SNX3: variants seen among roughly 807,000 people sequenced by gnomAD.
SNX3 encodes sorting nexin 3.
Under a neutral mutation model 17.7 loss-of-function variants are expected in SNX3, and 5 were observed. That is an observed-to-expected ratio of 0.28 (90% CI 0.15 to 0.59). The LOEUF (loss-of-function observed/expected upper bound fraction) is 0.59, where lower values mean the gene tolerates loss of function less well. Among genes scored for constraint, SNX3 ranks in the 20% least tolerant of loss-of-function variants. The pLI, the probability that SNX3 is intolerant of heterozygous loss-of-function variation, is 0.88. For synonymous variants in SNX3, 91 were observed against 76.5 expected (o/e 1.19, Z -0.99); for missense variants, 132 against 206.8 (o/e 0.64, Z 2.22).
chr6:108,242,519 G>C (rs549214631), intron 1 of SNX3, among the ~76,000 whole-genome samples: 1 of 152,042 alleles, frequency 6.6e-6, no homozygotes, highest in African/African-American at 2.4e-5. Context: ...TATTCAGAGC[G>C]CTCAAAGAAA....
intron 1 of SNX3, among the ~76,000 whole-genome samples, chr6:108,227,361 C>T (rs548951853): frequency 9.9e-5 from 15 of 152,170 alleles, no homozygotes; most frequent in African/African-American, 3.1e-4. Context: ...CTTCTGGGTA[C>T]GGAAGTCTAT....
At chr6:108,230,922 G>T (rs554110241) in intron 1 of SNX3, among the ~76,000 whole-genome samples, 1 of 152,238 alleles carries the variant, frequency 6.6e-6, no homozygotes, top group Admixed American at 6.5e-5. Context: ...TTTGCCAAAT[G>T]CTAGTTAATT....
intron 2 of SNX3, among the ~76,000 whole-genome samples, chr6:108,218,144 ATC>A (rs1274184145): frequency 6.6e-6 from 1 of 152,248 alleles, no homozygotes; most frequent in African/African-American, 2.4e-5. Flanking sequence ...CAAATTATGT[ATC>A]TGATAGGGAA....
Position 108,260,670 on chromosome 6 carries a change from G to A in SNX3, c.162+90C>T, listed in dbSNP as rs1311848212. 8.1e-6 allele frequency: 12 copies of A among 1,477,720 alleles called. No homozygotes were observed. The East Asian group carries it at 1.7e-4, about 21-fold the overall frequency. 91.5% of individuals were successfully genotyped at this position (1,477,720 alleles called of 1,614,324 possible). A position where few individuals can be genotyped will look rare whatever the true frequency, so the allele number is the denominator to read the frequency against. On this transcript the variant is annotated intron_variant, in intron 1 of 3. Coordinates refer to ENST00000230085, the MANE Select transcript of SNX3 (RefSeq NM_003795.6). ...GGGGGCTCCCGGCCTGGGAGGCTGT[G>A]GCTGCCCGCGGGGGTCCACTCCCGG...
At chr6:108,256,645 A>C (rs552075797) in intron 1 of SNX3, among the ~76,000 whole-genome samples, 4 of 152,354 alleles carry the variant, frequency 2.6e-5, no homozygotes, top group African/African-American at 9.6e-5. Context: ...TCAGAGCTCA[A>C]GAAAGATTCT....
At chr6:108,212,813 G>T (rs1319128274) in intron 3 of SNX3, among the ~76,000 whole-genome samples, 1 of 151,672 alleles carries the variant, frequency 6.6e-6, no homozygotes, top group East Asian at 1.9e-4. Flanking sequence ...CATCATAGCT[G>T]GTGTATTCAT....
intron 1 of SNX3, among the ~76,000 whole-genome samples, chr6:108,234,445 G>A (rs964271083): frequency 3.9e-5 from 6 of 151,950 alleles, no homozygotes; most frequent in African/African-American, 1.5e-4. Context: ...CCAGCTACTC[G>A]GAGGCTGAGG....
In SNX3 at chr6:108,223,146, T is replaced by G. The variant is rs575801758; in HGVS notation, c.163-101A>C. On this transcript the variant is annotated intron_variant, in intron 1 of 3. Coordinates refer to ENST00000230085, the MANE Select transcript of SNX3 (RefSeq NM_003795.6). ...AAACAAAAGAAATCATGACTTTCTT[T>G]TTCTTTTTTTGAGACAGAATCTCCC... 3.2e-5 allele frequency: 21 copies of G among 660,010 alleles called. No individual in the cohort carries two copies. The East Asian group carries it at 5.5e-4, about 17-fold the overall frequency. The allele number at this position is 660,010 out of a possible 1,614,324, so 40.9% of individuals were successfully genotyped here. A position where few individuals can be genotyped will look rare whatever the true frequency, so the allele number is the denominator to read the frequency against.
chr6:108,250,343 C>G (rs1775813989), intron 1 of SNX3, among the ~76,000 whole-genome samples: 1 of 152,178 alleles, frequency 6.6e-6, no homozygotes, highest in Non-Finnish European at 1.5e-5. Context: ...GTTTCAACTA[C>G]TCAGTTCTGC....
chr6:108,251,163 C>G (rs1043213749), intron 1 of SNX3, among the ~76,000 whole-genome samples: 1 of 152,104 alleles, frequency 6.6e-6, no homozygotes, highest in Non-Finnish European at 1.5e-5. Context: ...TTCATGCTTG[C>G]CTTTTTTCTC....
chr6:108,222,116 T>C, intron 2 of SNX3: 14 of 994,222 alleles, frequency 1.4e-5, no homozygotes, highest in Non-Finnish European at 1.9e-5. Flanking sequence ...ATGCAGCCAC[T>C]TTTATCTTAG....
rs77716732 is a variant in SNX3, at chr6:108,230,228, T to C, written c.163-7183A>G. On this transcript the variant is annotated intron_variant, in intron 1 of 3. Transcript: ENST00000230085. The stretch of plus-strand genomic sequence containing the variant: ...TAAGATGACTAAAACTTTTGAAATT[T>C]AAACAGCAAGATTTAGTATTCTCTC... 4.7e-3 allele frequency among the ~76,000 whole-genome samples: 722 copies of C among 152,244 alleles called. 8 individuals are homozygous for C. Among genetic ancestry groups the C allele is most frequent in the African/African-American group, 0.016 (656 of 41,544 alleles).
chr6:108,236,380 T>TA (rs201950888), intron 1 of SNX3, among the ~76,000 whole-genome samples: 15,964 of 125,220 alleles, frequency 0.13, 1,671 homozygotes, highest in African/African-American at 0.33. Flanking sequence ...TTATTATTAT[T>TA]TTTTTTTTTT....
At chr6:108,260,096 C>G (rs138051036) in intron 1 of SNX3, among the ~76,000 whole-genome samples, 1 of 152,270 alleles carries the variant, frequency 6.6e-6, no homozygotes, top group Non-Finnish European at 1.5e-5. Flanking sequence ...AGCAAGATCC[C>G]TAGTCTTTTC....
chr6:108,235,086 C>T (rs763545526), intron 1 of SNX3, among the ~76,000 whole-genome samples: 22 of 152,224 alleles, frequency 1.4e-4, no homozygotes, highest in Non-Finnish European at 2.4e-4. Context: ...CAAACCATGA[C>T]ACTCAATATT....
chr6:108,246,313 CTTTTTTTTTTT>C (rs71015538), intron 1 of SNX3, among the ~76,000 whole-genome samples: 34 of 47,988 alleles, frequency 7.1e-4, no homozygotes, highest in South Asian at 1.7e-3. Flanking sequence ...TTTGAGCATT[CTTTTTTTTTTT>C]TTTTTTTTTT....
At chr6:108,227,822 TTTTTTG>T (rs1368226237) in intron 1 of SNX3, among the ~76,000 whole-genome samples, 1 of 151,766 alleles carries the variant, frequency 6.6e-6, no homozygotes, top group African/African-American at 2.4e-5. Context: ...TGGGTTTTTT[TTTTTTG>T]TTGTTGTTGT....
At position 108,232,299 on chromosome 6, in the gene SNX3, A is replaced by G. The variant is rs118070725; in HGVS notation, c.163-9254T>C. Reference sequence around the variant, plus strand: ...TTCCACAAAAAGTATTACTAATCACACAGGGTAAGATCATCAGGAATGCAA... The same window carrying G: ...TTCCACAAAAAGTATTACTAATCACGCAGGGTAAGATCATCAGGAATGCAA... On this transcript the variant is annotated intron_variant, in intron 1 of 3. Coordinates refer to ENST00000230085, the MANE Select transcript of SNX3 (RefSeq NM_003795.6). Among the ~76,000 whole-genome samples the G allele has an allele frequency of 9.8e-3, 1,493 of 152,312 alleles. 31 individuals are homozygous for G. The highest frequency in any genetic ancestry group is 0.054 in the Middle Eastern group (16 of 294).
At chr6:108,259,139 C>T (rs1347492858) in intron 1 of SNX3, among the ~76,000 whole-genome samples, 1 of 152,212 alleles carries the variant, frequency 6.6e-6, no homozygotes, top group Non-Finnish European at 1.5e-5. Context: ...AAAACATTCA[C>T]TTTTCCACTA....
Sources: allele counts gnomAD v4.1 joint callset (sites outside exome capture counted in the v4.1 genomes callset), GRCh38; gene constraint gnomAD v4.1.1; transcripts MANE v1.5; gene names NCBI Gene and HGNC (gene_info 2026-07-23, HGNC 2026-07-21).